Variants in CPNE4 observed in about 807,000 individuals in gnomAD.
The protein encoded by CPNE4 is copine 4.
CPNE4 carries 25 observed loss-of-function variants against 67.9 expected under a neutral mutation model. The observed-to-expected ratio is 0.37, with a 90% CI of 0.27 to 0.51. CPNE4 has a LOEUF of 0.51. CPNE4 is among the 20% of genes least tolerant of loss of function. CPNE4 has a pLI of 0.93. For synonymous variants in CPNE4, 242 were observed against 244.9 expected (o/e 0.99, Z 0.11); for missense variants, 464 against 690.8 (o/e 0.67, Z 3.68).
intron 10 of CPNE4, among the ~76,000 whole-genome samples, chr3:131,571,846 C>A (rs6780374): frequency 0.013 from 1,908 of 152,054 alleles, 49 homozygotes; most frequent in African/African-American, 0.043. Context: ...CAAGTTCTGA[C>A]CCCAAACTGC....
At chr3:131,780,214 C>G (rs142499593) in intron 2 of CPNE4, among the ~76,000 whole-genome samples, 1 of 152,206 alleles carries the variant, frequency 6.6e-6, no homozygotes, top group East Asian at 1.9e-4. Context: ...GAAAGGAACA[C>G]TTATACACTG....
intron 2 of CPNE4, among the ~76,000 whole-genome samples, chr3:131,885,702 C>T (rs954609406): frequency 7.2e-5 from 11 of 152,074 alleles, no homozygotes; most frequent in African/African-American, 2.7e-4. Flanking sequence ...CCCCCCACCC[C>T]ACAACAGTCC....
intron 7 of CPNE4, among the ~76,000 whole-genome samples, chr3:131,644,595 A>G (rs2079618507): frequency 6.6e-6 from 1 of 152,188 alleles, no homozygotes; most frequent in African/African-American, 2.4e-5. Flanking sequence ...TATGAATCAC[A>G]TTTATTCTTA....
At chr3:131,598,965 G>T (rs980479667) in intron 7 of CPNE4, among the ~76,000 whole-genome samples, 1 of 151,432 alleles carries the variant, frequency 6.6e-6, no homozygotes, top group African/African-American at 2.4e-5. Flanking sequence ...AATTGGGTCA[G>T]AAAGGTAAAA....
rs186273272 is a variant in CPNE4 at position 131,837,810 on chromosome 3, G to T, written c.180+67454C>A. 1.4e-4 allele frequency among the ~76,000 whole-genome samples: 22 copies of T among 151,994 alleles called. No homozygotes were observed. The East Asian group carries it at 4.1e-3, about 28-fold the overall frequency. On this transcript the variant is annotated intron_variant, in intron 2 of 15. Coordinates refer to ENST00000429747, the MANE Select transcript of CPNE4 (RefSeq NM_130808.3). ...ATTCAGTCTTGATAATTGTACTAAG[G>T]TTATTTATATATGATGTTCTCTTGG...
chr3:131,751,563 C>T (rs1482022014), intron 2 of CPNE4, among the ~76,000 whole-genome samples: 2 of 151,926 alleles, frequency 1.3e-5, no homozygotes, highest in African/African-American at 4.8e-5. Flanking sequence ...TTAGTAATTG[C>T]TCTTTGAAGC....
At chr3:131,763,360 T>C (rs1877587) in intron 2 of CPNE4, among the ~76,000 whole-genome samples, 1 of 151,980 alleles carries the variant, frequency 6.6e-6, no homozygotes, top group African/African-American at 2.4e-5. Context: ...ACTGCTATTG[T>C]GTACTTATAA....
chr3:131,657,394 T>C (rs1460069429), intron 7 of CPNE4, among the ~76,000 whole-genome samples: 2 of 152,224 alleles, frequency 1.3e-5, no homozygotes, highest in Non-Finnish European at 2.9e-5. Context: ...TTGATACATA[T>C]TCATTTGATA....
At chr3:131,802,407 C>G (rs575603939) in intron 2 of CPNE4, among the ~76,000 whole-genome samples, 1 of 152,316 alleles carries the variant, frequency 6.6e-6, no homozygotes, top group South Asian at 2.1e-4. Flanking sequence ...CCTCAGACCT[C>G]TGCTCTGGGT....
intron 2 of CPNE4, among the ~76,000 whole-genome samples, chr3:131,736,823 G>C (rs1289830523): frequency 6.6e-6 from 1 of 151,992 alleles, no homozygotes; most frequent in Non-Finnish European, 1.5e-5. Flanking sequence ...GAAGATTCAA[G>C]CTACTCCACA....
intron 1 of CPNE4, among the ~76,000 whole-genome samples, chr3:131,928,514 C>T (rs991277950): frequency 6.6e-6 from 1 of 152,130 alleles, no homozygotes; most frequent in Non-Finnish European, 1.5e-5. Context: ...GCAAATCACC[C>T]ATCTGTTACA....
intron 10 of CPNE4, among the ~76,000 whole-genome samples, chr3:131,571,831 C>CCCTT (rs1937353064): frequency 6.6e-6 from 1 of 151,946 alleles, no homozygotes; most frequent in Non-Finnish European, 1.5e-5. Context: ...AAATTCAAAG[C>CCCTT]CCTTCAAGTT....
chr3:131,971,451 A>G (rs1030216056), intron 1 of CPNE4, among the ~76,000 whole-genome samples: 2 of 152,178 alleles, frequency 1.3e-5, no homozygotes, highest in African/African-American at 4.8e-5. Context: ...AATCTCTTCA[A>G]CGCTTCTCTG....
intron 6 of CPNE4, among the ~76,000 whole-genome samples, chr3:131,682,032 C>T (rs1368154763): frequency 1.3e-5 from 2 of 151,978 alleles, no homozygotes; most frequent in East Asian, 3.9e-4. Context: ...TGAATTCCTT[C>T]TCTGTGTTAT....
intron 1 of CPNE4, among the ~76,000 whole-genome samples, chr3:132,003,182 G>A (rs2073500132): frequency 6.6e-6 from 1 of 152,068 alleles, no homozygotes; most frequent in South Asian, 2.1e-4. Flanking sequence ...TGCATTGAAT[G>A]TACACACTAC....
chr3:131,906,057 T>C (rs1432451275), intron 1 of CPNE4, among the ~76,000 whole-genome samples: 1 of 152,068 alleles, frequency 6.6e-6, no homozygotes, highest in Non-Finnish European at 1.5e-5. Context: ...CCACCTGCCA[T>C]ATCAGAATTC....
chr3:131,775,879 GA>G (rs2083277868), intron 2 of CPNE4, among the ~76,000 whole-genome samples: 1 of 152,174 alleles, frequency 6.6e-6, no homozygotes, highest in South Asian at 2.1e-4. Flanking sequence ...GCTGATAAGA[GA>G]AGCCTTAGAG....
chr3:131,721,889 C>A (rs1213561543), intron 3 of CPNE4, among the ~76,000 whole-genome samples: 1 of 152,130 alleles, frequency 6.6e-6, no homozygotes, highest in Non-Finnish European at 1.5e-5. Context: ...GGACATTGTA[C>A]CTGGCAAGAT....
chr3:131,844,102 A>C (rs1012868638), intron 2 of CPNE4, among the ~76,000 whole-genome samples: 2 of 152,066 alleles, frequency 1.3e-5, no homozygotes, highest in African/African-American at 4.8e-5. Context: ...TACTCTGCAC[A>C]CACCTCATCC....
Sources: gnomAD v4.1 joint callset for allele counts (sites outside exome capture counted in the v4.1 genomes callset) on GRCh38, gnomAD v4.1.1 for gene constraint, MANE v1.5 for transcripts, NCBI Gene and HGNC (gene_info 2026-07-23, HGNC 2026-07-21) for gene names.